The following SETD2 variants were observed in gnomAD, a reference collection of about 807,000 sequenced individuals.
SETD2 encodes the protein SET domain containing 2, histone lysine methyltransferase.
Under a neutral mutation model 242.1 loss-of-function variants are expected in SETD2, and 31 were observed. That is an observed-to-expected ratio of 0.13 (90% CI 0.10 to 0.17). The LOEUF (loss-of-function observed/expected upper bound fraction) is 0.17. Ranked by LOEUF, SETD2 falls within the 10% of genes least tolerant of loss-of-function variation. The probability of loss-of-function intolerance (pLI) is 1.00; values close to 1 mark genes in which losing one functional copy is unlikely to be tolerated. For synonymous variants in SETD2, 1,006 were observed against 1,066.5 expected, an observed-to-expected ratio of 0.94 and a Z score of 1.11; for missense variants, 2,481 against 3,046.3, an observed-to-expected ratio of 0.81 and a Z score of 4.37.
At chr3:47,096,335 G>C (rs1003566174) in intron 9 of SETD2, among the ~76,000 whole-genome samples, 1 of 152,148 alleles carries the variant, frequency 6.6e-6, no homozygotes, top group Non-Finnish European at 1.5e-5. Flanking sequence ...TGAGCTTATT[G>C]TGAGAATTAA....
chr3:47,086,886 A>T (rs984257858), intron 10 of SETD2, among the ~76,000 whole-genome samples: 1 of 152,084 alleles, frequency 6.6e-6, no homozygotes, highest in Non-Finnish European at 1.5e-5. Flanking sequence ...ATATAAATAT[A>T]AAAATTAGCT....
intron 5 of SETD2, among the ~76,000 whole-genome samples, chr3:47,110,800 G>C (rs1011413303): frequency 1.3e-5 from 2 of 151,982 alleles, no homozygotes; most frequent in Non-Finnish European, 2.9e-5. Context: ...ACCAAAGCAG[G>C]GTTCTCTGTG....
chr3:47,125,623 C>T (rs777112584), intron 2 of SETD2, among the ~76,000 whole-genome samples: 49 of 152,188 alleles, frequency 3.2e-4, no homozygotes, highest in Admixed American at 2.6e-3. Flanking sequence ...GAGTACTCTG[C>T]CTTGGCACAT....
At chr3:47,086,052 G>T in intron 11 of SETD2, 143 bp downstream of exon 11, 1 of 815,132 alleles carries the variant, frequency 1.2e-6, no homozygotes. Context: ...TTAAAGGAAT[G>T]ATACTGAGAT....
chr3:47,062,030 A>G, intron 14 of SETD2, 133 bp downstream of exon 14: 3 of 728,306 alleles, frequency 4.1e-6, no homozygotes, highest in Non-Finnish European at 6.9e-6. Context: ...GTAAAGTTGT[A>G]TACTCACTCA....
chr3:47,038,665 AT>A (rs2107530974), intron 17 of SETD2, among the ~76,000 whole-genome samples: 1 of 152,266 alleles, frequency 6.6e-6, no homozygotes, highest in Admixed American at 6.5e-5. Flanking sequence ...TGCTAAAAAT[AT>A]TCCCGACCGA....
chr3:47,123,056 A>G lies in SETD2; in HGVS notation c.1580T>C (p.Ile527Thr), dbSNP rs769791652. 198 of 1,613,874 alleles carry G rather than the reference A, an allele frequency of 1.2e-4. 1 individual carries two copies. Among genetic ancestry groups the G allele is most frequent in the Non-Finnish European group, 1.7e-4 (195 of 1,179,974 alleles). ...ESKRTSENEAIKRCCSPPNEL... is the reference protein window; with the variant it reads ...ESKRTSENEATKRCCSPPNEL... ...ATTAGGGGGAGAACAACATCTTTTA[A>G]TTGCTTCATTTTCTGAAGTCCTTTT... is the stretch of plus-strand genomic sequence containing the variant. The change falls in exon 3 of 21, where the codon ATT (isoleucine) becomes ACT (threonine). Residue 527 changes from isoleucine to threonine, a missense_variant. Physicochemically the swap from Ile to Thr is moderately conservative, Grantham distance 89. Coordinates refer to ENST00000409792, the MANE Select transcript of SETD2 (RefSeq NM_014159.7).
At position 47,128,331 on chromosome 3, in the gene SETD2, T is replaced by A. The variant is rs536154178; in HGVS notation, c.72-1668A>T. Among the ~76,000 whole-genome samples, 3 of 152,286 alleles carry A rather than the reference T, an allele frequency of 2.0e-5. No individual in the cohort carries two copies. In the South Asian group the frequency reaches 6.2e-4, roughly 32 times the overall value. The stretch of plus-strand genomic sequence containing the variant: ...GCAATCAAAAGCCACAAGTCTAGTG[T>A]ACACTAGCACACCAACGCATACTGA... On this transcript the variant is annotated intron_variant, in intron 1 of 20. Transcript: ENST00000409792.
At chr3:47,036,975 T>A (rs1484468583) in intron 18 of SETD2, among the ~76,000 whole-genome samples, 1 of 144,748 alleles carries the variant, frequency 6.9e-6, no homozygotes, top group East Asian at 2.2e-4. Context: ...TGAACACCCA[T>A]CACAATTCTT....
chr3:47,093,485 T>A (rs940699428), intron 9 of SETD2, among the ~76,000 whole-genome samples: 3 of 152,120 alleles, frequency 2.0e-5, no homozygotes, highest in African/African-American at 7.2e-5. Flanking sequence ...GGTTTCATCA[T>A]GTTGGCCAGG....
At chr3:47,067,043 C>T (rs752777051) in intron 13 of SETD2, 27 bp downstream of exon 13, 2 of 1,569,310 alleles carry the variant, frequency 1.3e-6, no homozygotes, top group Non-Finnish European at 1.8e-6. Context: ...GTAAAGCCAT[C>T]AACACAGAGT....
At chr3:47,078,243 C>T in intron 12 of SETD2, among the ~76,000 whole-genome samples, 1 of 152,198 alleles carries the variant, frequency 6.6e-6, no homozygotes, top group East Asian at 1.9e-4. Flanking sequence ...ACTGCTTAAT[C>T]GAGTGATAAA....
chr3:47,084,139 G>A lies in SETD2; in HGVS notation c.5641C>T (p.Leu1881=). 1 of 1,614,106 alleles carries A rather than the reference G, an allele frequency of 6.2e-7. No individual in the cohort carries two copies. The highest frequency in any genetic ancestry group is 8.5e-7 in the Non-Finnish European group (1 of 1,180,032). The change falls in exon 12 of 21, where the codon CTG becomes TTG. Residue 1881 remains leucine, a synonymous_variant. Coordinates refer to ENST00000409792, the MANE Select transcript of SETD2 (RefSeq NM_014159.7). ...ATGCTATTTTCACTTATAATTTTCA[G>A]TCTGCGAAACATTAGTTTCTTGGGA... ...DTPKKLMFRR[L]KIISENSMDS...
In SETD2 at chr3:47,097,409, C is replaced by G. The variant is rs189004281; in HGVS notation, c.5142+546G>C. ...ATAGTCCCTTTAGTAACAGGATATTCCCCACCAACAATCCCATCCCCATCC... is the reference window on the plus strand; with the variant it reads ...ATAGTCCCTTTAGTAACAGGATATTGCCCACCAACAATCCCATCCCCATCC... On this transcript the variant is annotated intron_variant, in intron 9 of 20. Transcript: ENST00000409792. Among the ~76,000 whole-genome samples, 18 of 152,242 alleles carry G rather than the reference C, an allele frequency of 1.2e-4. No individual in the cohort carries two copies. The East Asian group carries it at 3.3e-3, about 28-fold the overall frequency.
intron 15 of SETD2, among the ~76,000 whole-genome samples, chr3:47,054,022 T>C (rs1419459399): frequency 6.6e-6 from 1 of 152,184 alleles, no homozygotes; most frequent in Non-Finnish European, 1.5e-5. Context: ...CAGTAAATGA[T>C]AAACCAGGAC....
At chr3:47,093,207 T>C (rs1328687843) in intron 9 of SETD2, among the ~76,000 whole-genome samples, 2 of 152,098 alleles carry the variant, frequency 1.3e-5, no homozygotes, top group African/African-American at 2.4e-5. Flanking sequence ...CACTCAACCT[T>C]ACATTTTAAG....
chr3:47,084,871 C>T (rs974197981), intron 11 of SETD2, among the ~76,000 whole-genome samples: 6 of 150,918 alleles, frequency 4.0e-5, no homozygotes, highest in African/African-American at 1.5e-4. Flanking sequence ...GCTGGGATTA[C>T]AGGGATGCAC....
chr3:47,101,009 CAAAAAAA>C (rs1164475680), intron 8 of SETD2, among the ~76,000 whole-genome samples: 11 of 23,116 alleles, frequency 4.8e-4, no homozygotes, highest in Admixed American at 3.0e-3. Context: ...GAGTCCATCT[CAAAAAAA>C]AAAAAAAAAA....
chr3:47,084,247 T>G lies in SETD2; in HGVS notation c.5533A>C (p.Ser1845Arg). ...GTATGAGCACGCGATGTATTCTCAC[T>G]AGAATACCCATCTCCTTCACTCAAC... Reference protein sequence around the residue: ...PPLSEGDGYSSENTSRAHTPL... With the variant: ...PPLSEGDGYSRENTSRAHTPL... The change falls in exon 12 of 21, where the codon AGT (serine) becomes CGT (arginine). Residue 1845 changes from serine (S) to arginine (R), a missense_variant. Physicochemically the swap from Ser to Arg is moderately radical, Grantham distance 110 (BLOSUM62 -1). Transcript: ENST00000409792. 1 of 1,613,954 alleles carries G rather than the reference T, an allele frequency of 6.2e-7. No homozygotes were observed. The highest frequency in any genetic ancestry group is 1.1e-5 in the South Asian group (1 of 91,084).
Sources: gnomAD v4.1 joint callset for allele counts (sites outside exome capture counted in the v4.1 genomes callset) on GRCh38, gnomAD v4.1.1 for gene constraint, MANE v1.5 for transcripts, NCBI Gene and HGNC (gene_info 2026-07-23, HGNC 2026-07-21) for gene names.